The following GRID1 variants were observed in gnomAD, a reference collection of about 807,000 sequenced individuals.
GRID1 encodes the protein glutamate receptor ionotropic, delta-1.
Under a neutral mutation model 98.0 loss-of-function variants are expected in GRID1, and 28 were observed. That is an observed-to-expected ratio of 0.29 (90% CI 0.21 to 0.39). The LOEUF (loss-of-function observed/expected upper bound fraction) is 0.39, where lower values mean the gene tolerates loss of function less well. Ranked by LOEUF, GRID1 falls within the 10% of genes least tolerant of loss-of-function variation. The probability of loss-of-function intolerance (pLI) is 1.00; values close to 1 mark genes in which losing one functional copy is unlikely to be tolerated. For missense variants in GRID1, 1,111 were observed against 1,340.5 expected (o/e 0.83, Z 2.67); for synonymous variants, 553 against 538.5 (o/e 1.03, Z -0.37).
chr10:86,135,640 G>A (rs1844913378), intron 4 of GRID1, among the ~76,000 whole-genome samples: 3 of 152,150 alleles, frequency 2.0e-5, no homozygotes, highest in African/African-American at 7.2e-5. Context: ...AGGGTCCCCA[G>A]GCAGGCCCCA....
intron 12 of GRID1, among the ~76,000 whole-genome samples, chr10:85,676,333 C>A (rs1177141636): frequency 6.6e-6 from 1 of 152,180 alleles, no homozygotes; most frequent in Non-Finnish European, 1.5e-5. Context: ...ATGTCAAAGG[C>A]AGCCTCTTTG....
At chr10:86,251,745 C>G (rs1202648942) in intron 2 of GRID1, among the ~76,000 whole-genome samples, 2 of 152,170 alleles carry the variant, frequency 1.3e-5, no homozygotes, top group Non-Finnish European at 2.9e-5. Context: ...AACAGGCCTT[C>G]ACCAGGGGTC....
chr10:85,662,411 A>G (rs1237454912), intron 12 of GRID1, among the ~76,000 whole-genome samples: 2 of 152,172 alleles, frequency 1.3e-5, no homozygotes, highest in Non-Finnish European at 2.9e-5. Context: ...ACGCCAGGAT[A>G]GGGGGCTTCA....
At chr10:85,650,307 A>C (rs1843251877) in intron 12 of GRID1, 1 of 152,222 alleles carries the variant, frequency 6.6e-6, no homozygotes, top group African/African-American at 2.4e-5. Context: ...CTGTGTTATC[A>C]GCACACTCAA....
At chr10:85,803,654 T>C (rs1303410098) in intron 8 of GRID1, among the ~76,000 whole-genome samples, 1 of 151,928 alleles carries the variant, frequency 6.6e-6, no homozygotes, top group African/African-American at 2.4e-5. Context: ...AAATAACCAA[T>C]TGGTCAAAAA....
intron 3 of GRID1, among the ~76,000 whole-genome samples, chr10:86,202,565 CT>C (rs1845969962): frequency 6.6e-6 from 1 of 152,222 alleles, no homozygotes; most frequent in African/African-American, 2.4e-5. Context: ...GTCGTCTTCT[CT>C]TTTATTTTTC....
At chr10:85,897,243 C>G (rs937689343) in intron 5 of GRID1, among the ~76,000 whole-genome samples, 1 of 152,068 alleles carries the variant, frequency 6.6e-6, no homozygotes, top group Non-Finnish European at 1.5e-5. Context: ...ATACACACAC[C>G]CAGACACACC....
Position 85,865,942 on chromosome 10 carries a change from T to TATATATATATATATATATATATAC in GRID1, c.951+3067_951+3068insGTATATATATATATATATATATAT, listed in dbSNP as rs1199144734. ...ATATATATATATATATATATATATA[T>TATATATATATATATATATATATAC]ACACATATATATGGAGAGAGAGAGA... On this transcript the variant is annotated intron_variant, in intron 6 of 15. Transcript: ENST00000327946. Among the ~76,000 whole-genome samples the TATATATATATATATATATATATAC allele has an allele frequency of 1.4e-4, 13 of 94,872 alleles. 1 individual carries two copies. Among genetic ancestry groups the TATATATATATATATATATATATAC allele is most frequent in the African/African-American group, 4.4e-4 (11 of 25,008 alleles). The allele number at this position is 94,872 out of a possible 152,430, so 62.2% of individuals were successfully genotyped here.
chr10:86,080,011 A>G (rs985291169), intron 4 of GRID1, among the ~76,000 whole-genome samples: 2 of 152,150 alleles, frequency 1.3e-5, no homozygotes, highest in African/African-American at 2.4e-5. Context: ...AGTGCAAGGA[A>G]GTGACCACCA....
At chr10:86,161,839 T>C (rs1845328013) in intron 3 of GRID1, among the ~76,000 whole-genome samples, 1 of 152,106 alleles carries the variant, frequency 6.6e-6, no homozygotes, top group Non-Finnish European at 1.5e-5. Context: ...TAACAACATC[T>C]CAATCCACTC....
At chr10:85,688,374 A>T (rs1841292770) in intron 12 of GRID1, among the ~76,000 whole-genome samples, 1 of 152,144 alleles carries the variant, frequency 6.6e-6, no homozygotes, top group African/African-American at 2.4e-5. Context: ...TATTGGGTGA[A>T]TTTTTTAAAA....
chr10:85,763,070 C>A (rs1051728350), intron 8 of GRID1, among the ~76,000 whole-genome samples: 1 of 152,164 alleles, frequency 6.6e-6, no homozygotes, highest in Admixed American at 6.5e-5. Flanking sequence ...GTGGTCAGAG[C>A]AAGAGTGACG....
chr10:86,176,164 T>C (rs1425869660), intron 3 of GRID1, among the ~76,000 whole-genome samples: 1 of 152,206 alleles, frequency 6.6e-6, no homozygotes, highest in Non-Finnish European at 1.5e-5. Context: ...TTGGGCTGAG[T>C]TCTGGGCTAG....
intron 2 of GRID1, among the ~76,000 whole-genome samples, chr10:86,296,664 G>A (rs990379557): frequency 1.1e-4 from 16 of 152,112 alleles, no homozygotes; most frequent in Non-Finnish European, 2.2e-4. Context: ...GCTCGAACCC[G>A]AGAGACAGAT....
intron 4 of GRID1, among the ~76,000 whole-genome samples, chr10:86,072,871 A>G (rs973454460): frequency 1.3e-5 from 2 of 152,274 alleles, no homozygotes; most frequent in African/African-American, 2.4e-5. Flanking sequence ...AGCACACGCT[A>G]GTGCCTACAC....
At chr10:85,888,647 C>T (rs368170300) in intron 5 of GRID1, among the ~76,000 whole-genome samples, 246 of 152,272 alleles carry the variant, frequency 1.6e-3, no homozygotes, top group Middle Eastern at 3.4e-3. Context: ...AGGTGATGGA[C>T]GTGTTTAGGT....
At chr10:85,954,663 T>A (rs908248718) in intron 4 of GRID1, among the ~76,000 whole-genome samples, 1 of 152,186 alleles carries the variant, frequency 6.6e-6, no homozygotes, top group African/African-American at 2.4e-5. Context: ...AGCATAAGCA[T>A]AAAATAGCAA....
At chr10:86,112,720 G>C (rs894342306) in intron 4 of GRID1, among the ~76,000 whole-genome samples, 3 of 152,176 alleles carry the variant, frequency 2.0e-5, no homozygotes, top group Non-Finnish European at 4.4e-5. Flanking sequence ...AAGTGATGCT[G>C]ATGAAGATGA....
chr10:85,747,139 T>G (rs577963641), intron 8 of GRID1, among the ~76,000 whole-genome samples: 5 of 152,264 alleles, frequency 3.3e-5, no homozygotes, highest in African/African-American at 1.2e-4. Flanking sequence ...TCAGAACGGT[T>G]AGGTGATTTG....
Sources: allele counts gnomAD v4.1 joint callset (sites outside exome capture counted in the v4.1 genomes callset), GRCh38; gene constraint gnomAD v4.1.1; transcripts MANE v1.5; gene names NCBI Gene and HGNC (gene_info 2026-07-23, HGNC 2026-07-21).